SLC26A1: variants seen among roughly 807,000 people sequenced by gnomAD.
The protein encoded by SLC26A1 is sulfate anion transporter 1.
SLC26A1 carries 18 observed loss-of-function variants against 14.5 expected under a neutral mutation model. The ratio of observed to expected loss-of-function variants is 1.24; its 90% CI spans 0.86 to 1.84. SLC26A1 has a LOEUF of 1.84. Ranked by LOEUF, SLC26A1 falls within the 40% of genes most tolerant of loss-of-function variation. The pLI is 0.00. For synonymous variants in SLC26A1, 505 were observed against 492.0 expected (o/e 1.03, Z -0.35); for missense variants, 1,049 against 1,020.0 (o/e 1.03, Z -0.39).
chr4:992,266 C>T (rs755026701), intron 1 of SLC26A1: 6 of 451,116 alleles, frequency 1.3e-5, no homozygotes, highest in Admixed American at 2.4e-5. Context: ...CCCATGCCCA[C>T]ACCAGAGCCC....
At chr4:981,515 G>T (rs1174237608) in intron 2 of SLC26A1, among the ~76,000 whole-genome samples, 2 of 152,150 alleles carry the variant, frequency 1.3e-5, no homozygotes, top group Admixed American at 6.5e-5. Flanking sequence ...TGTGCTGCCT[G>T]CAGTCCCAGG....
chr4:991,894 G>C (rs1418222738), intron 1 of SLC26A1, 164 bp from the exon 2 acceptor site: 3 of 1,248,716 alleles, frequency 2.4e-6, no homozygotes, highest in South Asian at 1.3e-5. Context: ...CCCCCTGCCC[G>C]GTATGGATGG....
intron 2 of SLC26A1, among the ~76,000 whole-genome samples, chr4:979,868 C>A (rs1346539688): frequency 6.6e-6 from 1 of 152,242 alleles, no homozygotes; most frequent in Non-Finnish European, 1.5e-5. Flanking sequence ...TTCTAGCTTC[C>A]AGAGCTGATT....
Position 989,900 on chromosome 4 carries a change from C to T in SLC26A1, c.1039G>A (p.Ala347Thr). ...LMQRVALDAV[A>T]LALVAAAFSI... ...AAGGCGGCAGCCACGAGGGCCAGGG[C>T]CACGGCATCCAAAGCCACACGCTGC... Residue 347 changes from alanine to threonine, a missense_variant, in exon 3 of 3, where the codon GCC becomes ACC. Ala to Thr is a moderately conservative substitution (Grantham distance 58). Transcript: ENST00000398516. 1 of 1,564,890 alleles carries T rather than the reference C, an allele frequency of 6.4e-7. No individual in the cohort carries two copies. Among genetic ancestry groups the T allele is most frequent in the Non-Finnish European group, 8.7e-7 (1 of 1,155,668 alleles).
downstream of SLC26A1, chr4:987,580 G>C (rs1713833475): frequency 7.3e-7 from 1 of 1,375,348 alleles, no homozygotes. Flanking sequence ...CTTCCTGGCA[G>C]GGCCAGGGCC....
chr4:980,305 G>T (rs1162134481), intron 2 of SLC26A1, among the ~76,000 whole-genome samples: 1 of 152,180 alleles, frequency 6.6e-6, no homozygotes, highest in Non-Finnish European at 1.5e-5. Context: ...CAGAAAATAG[G>T]CTGGGTGCGG....
In SLC26A1 at chr4:988,294, A is replaced by G; in HGVS notation, c.*539T>C. On this transcript the variant is annotated 3_prime_UTR_variant, in exon 3 of 3. Transcript: ENST00000398516. ...GCTGAGCTGAGGTCTCATCGGTCAC[A>G]GCACCCTGGGCCCTGACGCTGGTGC... 1 of 1,146,034 alleles carries G rather than the reference A, an allele frequency of 8.7e-7. No homozygotes were observed. The highest frequency in any genetic ancestry group is 2.7e-5 in the South Asian group (1 of 37,606). 71.0% of individuals were successfully genotyped at this position (1,146,034 alleles called of 1,614,324 possible). A position where few individuals can be genotyped will look rare whatever the true frequency, so the allele number is the denominator to read the frequency against.
In SLC26A1 at chr4:988,877, G is replaced by T. The variant is rs774975166; in HGVS notation, c.2062C>A (p.Arg688=). ...LSVHDAVQTA[R]ARHRELEATD... is the part of the protein sequence containing the mutation. ...GCCTCCAGCTCCCTGTGGCGGGCTC[G>T]TGCTGTCTGCACGGCATCGTGCACA... The change falls in exon 3 of 3, where the codon CGA becomes AGA. Residue 688 remains arginine, a synonymous_variant. Transcript: ENST00000398516. 124 of 1,598,494 alleles carry T rather than the reference G, an allele frequency of 7.8e-5. No homozygotes were observed. The highest frequency in any genetic ancestry group is 1.0e-5 in the Non-Finnish European group (12 of 1,173,262).
Position 987,778 on chromosome 4 carries a change from C to T in SLC26A1, c.*1055G>A, listed in dbSNP as rs751187926. 7.4e-6 allele frequency: 12 copies of T among 1,610,964 alleles called. No individual in the cohort carries two copies. Among genetic ancestry groups the T allele is most frequent in the African/African-American group, 6.7e-5 (5 of 74,906 alleles). ...CCGCGCTGCCAGCCATGCTGAGGCT[C>T]GGGACTGAGCCGCCCCTTTGTTGTC... On this transcript the variant is annotated 3_prime_UTR_variant, in exon 3 of 3. Coordinates refer to ENST00000398516, the MANE Select transcript of SLC26A1 (RefSeq NM_022042.4).
Position 990,148 on chromosome 4 carries a change from A to C in SLC26A1, c.791T>G (p.Val264Gly). ...RGAGQANVCD[V>G]VTSTVCLAVL... ...CGCCAGGCACACCGTGCTGGTGACC[A>C]CGTCGCACACGTTGGCCTGCCCGGC... The change falls in exon 3 of 3, where the codon GTG (valine) becomes GGG (glycine). Residue 264 changes from valine to glycine, a missense_variant. Val to Gly is a moderately radical substitution (Grantham distance 109). Coordinates refer to ENST00000398516, the MANE Select transcript of SLC26A1 (RefSeq NM_022042.4). The C allele has an allele frequency of 6.4e-7, 1 of 1,564,860 alleles. No individual in the cohort carries two copies. The highest frequency in any genetic ancestry group is 1.2e-5 in the South Asian group (1 of 85,262).
At chr4:979,469 T>G (rs1713473844) in exon 3 of SLC26A1, 2 of 1,613,814 alleles carry the variant, frequency 1.2e-6, no homozygotes, top group East Asian at 2.2e-5. Flanking sequence ...TTAATTGCCA[T>G]GGGTGTTGCT....
At chr4:983,294 C>T (rs1713600625), downstream of SLC26A1, among the ~76,000 whole-genome samples, 1 of 152,198 alleles carries the variant, frequency 6.6e-6, no homozygotes. Flanking sequence ...CCTCATTGTC[C>T]CAGGCAGGTC....
In SLC26A1 at chr4:991,493, C is replaced by A. The variant is rs778522667; in HGVS notation, c.211G>T (p.Gly71Cys). ...RQYRPREYLAGDVMSGLVIGI... is the reference protein window; with the variant it reads ...RQYRPREYLACDVMSGLVIGI... The stretch of plus-strand genomic sequence containing the variant: ...ATGACCAGCCCAGACATGACGTCGC[C>A]TGCCAGGTACTCCCGCGGGCGGTAC... The change falls in exon 2 of 3, where the codon GGC (glycine) becomes TGC (cysteine). Residue 71 changes from glycine (G) to cysteine (C), a missense_variant. Gly to Cys is a radical substitution (Grantham distance 159). Coordinates refer to ENST00000398516, the MANE Select transcript of SLC26A1 (RefSeq NM_022042.4). The A allele has an allele frequency of 1.7e-5, 27 of 1,610,432 alleles. No homozygotes were observed. The highest frequency in any genetic ancestry group is 2.3e-5 in the Non-Finnish European group (27 of 1,178,042).
intron 2 of SLC26A1, among the ~76,000 whole-genome samples, chr4:981,337 C>T (rs1312875441): frequency 2.0e-5 from 3 of 152,144 alleles, no homozygotes; most frequent in African/African-American, 7.2e-5. Context: ...ACCAGCCAGG[C>T]GTGGTGGCTC....
In SLC26A1 at chr4:988,671, C is replaced by T; in HGVS notation, c.*162G>A. 1 of 1,414,478 alleles carries T rather than the reference C, an allele frequency of 7.1e-7. No homozygotes were observed. The highest frequency in any genetic ancestry group is 9.2e-7 in the Non-Finnish European group (1 of 1,089,788). The allele number at this position is 1,414,478 out of a possible 1,614,324, so 87.6% of individuals were successfully genotyped here. ...TGGGTCCTGCGTGTGATCAGAGGGC[C>T]TCCTTTCCCAGTTGGGGTTCCCCGG... On this transcript the variant is annotated 3_prime_UTR_variant, in exon 3 of 3. Coordinates refer to ENST00000398516, the MANE Select transcript of SLC26A1 (RefSeq NM_022042.4).
chr4:982,435 C>A (rs1713572427), intron 2 of SLC26A1, among the ~76,000 whole-genome samples: 1 of 152,222 alleles, frequency 6.6e-6, no homozygotes, highest in African/African-American at 2.4e-5. Context: ...CCTGTGGGAC[C>A]CTCTGAGCGA....
chr4:987,298 C>T (rs1053213096), downstream of SLC26A1: 52 of 1,452,982 alleles, frequency 3.6e-5, no homozygotes, highest in Non-Finnish European at 4.5e-5. Context: ...GCTCGGGCGC[C>T]CCCTGACTGC....
At chr4:992,240 C>A (rs778878771) in intron 1 of SLC26A1, 2 of 456,846 alleles carry the variant, frequency 4.4e-6, no homozygotes, top group Admixed American at 2.3e-5. Context: ...GGTTGGCAAA[C>A]GGTCCTGCTG....
chr4:990,680 C>G, intron 2 of SLC26A1: 1 of 441,462 alleles, frequency 2.3e-6, no homozygotes, highest in Non-Finnish European at 4.1e-6. Context: ...AAGGCAACCC[C>G]TTCCTGCTGC....
Sources: gnomAD v4.1 joint callset for allele counts (sites outside exome capture counted in the v4.1 genomes callset) on GRCh38, gnomAD v4.1.1 for gene constraint, MANE v1.5 for transcripts, NCBI Gene and HGNC (gene_info 2026-07-23, HGNC 2026-07-21) for gene names.